DHX30: variants seen among roughly 807,000 people sequenced by gnomAD.
DHX30 encodes ATP-dependent RNA helicase DHX30.
A neutral mutation model predicts 116.9 loss-of-function variants in DHX30; 4 were observed. The ratio of observed to expected loss-of-function variants is 0.03; its 90% CI spans 0.02 to 0.08. The LOEUF (loss-of-function observed/expected upper bound fraction) is 0.08, where lower values mean the gene tolerates loss of function less well. Ranked by LOEUF, DHX30 falls within the 10% of genes least tolerant of loss-of-function variation. The pLI is 1.00. For missense variants in DHX30, 871 were observed against 1,595.1 expected, an observed-to-expected ratio of 0.55 and a Z score of 7.73; for synonymous variants, 697 against 651.7, an observed-to-expected ratio of 1.07 and a Z score of -1.06.
At chr3:47,834,660 G>T (rs1038742976) in intron 6 of DHX30, among the ~76,000 whole-genome samples, 2 of 151,744 alleles carry the variant, frequency 1.3e-5, no homozygotes, top group African/African-American at 4.8e-5. Context: ...GGGTCTTCCA[G>T]TGTTGCCCAG....
In DHX30 at chr3:47,849,391, C is replaced by G. The variant is rs775454021; in HGVS notation, c.3087+42C>G. ...GGAATGGAGTTCACCAGGTCCCAGC[C>G]TCCTTCCCTGTCTGCAGCTCCTTGC... On this transcript the variant is annotated intron_variant, in intron 19 of 21. Coordinates refer to ENST00000445061, the MANE Select transcript of DHX30 (RefSeq NM_138615.3). 2.3e-5 allele frequency: 36 copies of G among 1,587,524 alleles called. No homozygotes were observed. In the South Asian group the frequency reaches 3.9e-4, roughly 17 times the overall value.
intron 6 of DHX30, among the ~76,000 whole-genome samples, chr3:47,831,398 C>A (rs772566026): frequency 3.9e-5 from 6 of 152,132 alleles, no homozygotes; most frequent in Non-Finnish European, 7.4e-5. Flanking sequence ...ACCAGGCCCA[C>A]CTTTGTCATT....
Position 47,841,653 on chromosome 3 carries a change from C to T in DHX30, c.705C>T (p.Ala235=), listed in dbSNP as rs1258540298. The change falls in exon 8 of 22, where the codon GCC becomes GCT. Residue 235 remains alanine, a synonymous_variant. Transcript: ENST00000445061. ...TTGAGATGACAGATGACGACAGTGC[C>T]ATTAGGGCTCTGACCCAGTTTCCAC... ...SSFEMTDDDS[A]IRALTQFPLP... The T allele has an allele frequency of 1.9e-6, 3 of 1,614,106 alleles. No homozygotes were observed. The highest frequency in any genetic ancestry group is 2.5e-6 in the Non-Finnish European group (3 of 1,180,050).
intron 3 of DHX30, among the ~76,000 whole-genome samples, chr3:47,811,626 G>A (rs1324542658): frequency 6.6e-6 from 1 of 152,172 alleles, no homozygotes; most frequent in East Asian, 1.9e-4. Context: ...AGGGTGTATA[G>A]GAAACATGGT....
At chr3:47,829,303 T>A (rs1576489018) in intron 6 of DHX30, among the ~76,000 whole-genome samples, 169 bp downstream of exon 6, 1 of 41,404 alleles carries the variant, frequency 2.4e-5, no homozygotes, top group African/African-American at 7.1e-5. Context: ...TATATATATA[T>A]ATATATATAT....
In DHX30 at chr3:47,846,551, C is replaced by T; in HGVS notation, c.1479C>T (p.Arg493=). 1 of 1,614,154 alleles carries T rather than the reference C, an allele frequency of 6.2e-7. No homozygotes were observed. Among genetic ancestry groups the T allele is most frequent in the Middle Eastern group, 1.6e-4 (1 of 6,062 alleles). Residue 493 remains arginine, a synonymous_variant, in exon 11 of 22, where the codon CGC becomes CGT. Coordinates refer to ENST00000445061, the MANE Select transcript of DHX30 (RefSeq NM_138615.3). Reference sequence around the variant, plus strand: ...ATGTTATCATCACCCAACCTCGCCGCATCTCTGCTGTGTCTGTGGCACAGC... The same window carrying T: ...ATGTTATCATCACCCAACCTCGCCGTATCTCTGCTGTGTCTGTGGCACAGC... ...RCNVIITQPR[R]ISAVSVAQRV... is the part of the protein sequence containing the mutation.
At chr3:47,849,122 C>G (rs1432037133) in intron 18 of DHX30, 43 bp downstream of exon 18, 4 of 1,611,970 alleles carry the variant, frequency 2.5e-6, no homozygotes, top group Non-Finnish European at 3.4e-6. Context: ...CCTCCCACCC[C>G]CACTGAGTTT....
intron 4 of DHX30, chr3:47,826,177 C>A: frequency 6.6e-6 from 1 of 152,330 alleles, no homozygotes. Flanking sequence ...TATACAGCTC[C>A]TTTTGGAGCT....
At position 47,848,253 on chromosome 3, in the gene DHX30, A is replaced by T; in HGVS notation, c.2360A>T (p.Gln787Leu). The change falls in exon 15 of 22, where the codon CAG becomes CTG. Residue 787 changes from glutamine (Q) to leucine (L), a missense_variant. Physicochemically the swap from Gln to Leu is moderately radical, Grantham distance 113. Around this residue, in one of 13 missense-constraint regions of DHX30, gnomAD observed 14 missense variants for 16.2 expected, o/e 0.86. Coordinates refer to ENST00000445061, the MANE Select transcript of DHX30 (RefSeq NM_138615.3). The surrounding 1 kb of genome is among the most constrained non-coding windows in gnomAD (Gnocchi z 9.4). ...CGCCGGGGCCGGGCGGGCCGCTGCCAGTCCGGCTTTGCCTACCACTTGTTC... is the reference window on the plus strand; with the variant it reads ...CGCCGGGGCCGGGCGGGCCGCTGCCTGTCCGGCTTTGCCTACCACTTGTTC... Reference protein sequence around the residue: ...IQRRGRAGRCQSGFAYHLFPR... With the variant: ...IQRRGRAGRCLSGFAYHLFPR... 2 of 1,613,670 alleles carry T rather than the reference A, an allele frequency of 1.2e-6. No homozygotes were observed. Among genetic ancestry groups the T allele is most frequent in the Non-Finnish European group, 1.7e-6 (2 of 1,179,970 alleles).
chr3:47,803,432 A>G (rs947288663), intron 1 of DHX30, among the ~76,000 whole-genome samples: 1 of 151,848 alleles, frequency 6.6e-6, no homozygotes, highest in African/African-American at 2.4e-5. Context: ...TGCCGTTGCC[A>G]TGGAGCCCGG....
intron 6 of DHX30, among the ~76,000 whole-genome samples, chr3:47,837,341 G>C (rs970354026): frequency 1.3e-5 from 2 of 152,206 alleles, no homozygotes; most frequent in African/African-American, 4.8e-5. Flanking sequence ...TCTGACTAGT[G>C]GTAATTGATA....
rs192873616 is a variant in DHX30 at position 47,819,693 on chromosome 3, G to A, written c.124+1576G>A. On this transcript the variant is annotated intron_variant, in intron 4 of 21. Transcript: ENST00000445061. ...GTTTATATAAGGAAAACAGTGCACC[G>A]AAAATGGTGGCCATTTATATTGATC... is the stretch of plus-strand genomic sequence containing the variant. Among the ~76,000 whole-genome samples the A allele has an allele frequency of 1.5e-4, 23 of 152,256 alleles. No individual in the cohort carries two copies. In the East Asian group the frequency reaches 4.4e-3, roughly 29 times the overall value.
At chr3:47,841,980 G>C (rs1353167594) in intron 8 of DHX30, 1 of 539,134 alleles carries the variant, frequency 1.9e-6, no homozygotes, top group African/African-American at 1.9e-5. Context: ...TCTTCTGGGC[G>C]GTGGATTGTC....
Position 47,840,980 on chromosome 3 carries a change from A to C in DHX30, c.470A>C (p.Glu157Ala). The change falls in exon 7 of 22, where the codon GAA (glutamate) becomes GCA (alanine). Residue 157 changes from glutamate to alanine, a missense_variant. Glu to Ala is a moderately radical substitution (Grantham distance 107). This residue lies in a region of DHX30 where 109 missense variants were observed against 118.8 expected (regional missense o/e 0.92). Coordinates refer to ENST00000445061, the MANE Select transcript of DHX30 (RefSeq NM_138615.3). ...CCTGCCGACAGCTGGTGGCGTCCGGAACCCACCATGCCCCCTACTTCCTGG... is the reference window on the plus strand; with the variant it reads ...CCTGCCGACAGCTGGTGGCGTCCGGCACCCACCATGCCCCCTACTTCCTGG... ...GSPADSWWRP[E>A]PTMPPTSWRQ... 1 of 1,614,216 alleles carries C rather than the reference A, an allele frequency of 6.2e-7. No homozygotes were observed. The highest frequency in any genetic ancestry group is 8.5e-7 in the Non-Finnish European group (1 of 1,180,044).
At chr3:47,815,788 T>G (rs2106959743) in intron 3 of DHX30, among the ~76,000 whole-genome samples, 1 of 146,820 alleles carries the variant, frequency 6.8e-6, no homozygotes, top group Middle Eastern at 3.6e-3. Flanking sequence ...CACAAAACTT[T>G]GAAAAACACT....
At position 47,820,906 on chromosome 3, in the gene DHX30, CT is replaced by C. The variant is rs71281896; in HGVS notation, c.124+2802del. The stretch of plus-strand genomic sequence containing the variant: ...AAGGGGTGCATGCGTAAGGCTCTCT[CT>C]TTTTTTTTTTTTGCCTTTGTTTTAT... On this transcript the variant is annotated intron_variant, in intron 4 of 21. Transcript: ENST00000445061. 6.6e-3 allele frequency among the ~76,000 whole-genome samples: 912 copies of C among 137,374 alleles called. 4 individuals are homozygous for C. The highest frequency in any genetic ancestry group is 0.013 in the African/African-American group (471 of 37,042). 90.1% of individuals were successfully genotyped at this position (137,374 alleles called of 152,430 possible). A position where few individuals can be genotyped will look rare whatever the true frequency, so the allele number is the denominator to read the frequency against.
intron 3 of DHX30, among the ~76,000 whole-genome samples, chr3:47,812,825 G>A (rs1344473941): frequency 1.3e-5 from 2 of 150,896 alleles, no homozygotes; most frequent in Non-Finnish European, 3.0e-5. Context: ...CACCACACCC[G>A]GGTAATTCTT....
In DHX30 at chr3:47,847,092, A is replaced by C; in HGVS notation, c.1929+91A>C. ...GCCCTGGGGCTTGGTGCCTGGGGCA[A>C]GTTACCCTCCCCAGTCCTCGGTTTC... is the stretch of plus-strand genomic sequence containing the variant. On this transcript the variant is annotated intron_variant, in intron 11 of 21. Transcript: ENST00000445061. This position sits in a 1 kb window ranked among gnomAD's most constrained non-coding sequence, Gnocchi z 5.5. 1 of 1,519,450 alleles carries C rather than the reference A, an allele frequency of 6.6e-7. No homozygotes were observed. The highest frequency in any genetic ancestry group is 1.2e-5 in the South Asian group (1 of 81,364). 94.1% of individuals were successfully genotyped at this position (1,519,450 alleles called of 1,614,324 possible).
chr3:47,809,225 A>C (rs2035674243), intron 2 of DHX30, among the ~76,000 whole-genome samples: 1 of 139,134 alleles, frequency 7.2e-6, no homozygotes, highest in African/African-American at 2.6e-5. Context: ...TGTCTATGGA[A>C]TGTAACTTCT....
Sources: gnomAD v4.1 joint callset for allele counts (sites outside exome capture counted in the v4.1 genomes callset) on GRCh38, gnomAD v4.1.1 for gene constraint, gnomAD v4.1.1 regional missense constraint, Gnocchi (gnomAD v3.1) non-coding constraint, MANE v1.5 for transcripts, NCBI Gene and HGNC (gene_info 2026-07-23, HGNC 2026-07-21) for gene names.